The following LVRN variants were observed in gnomAD, a reference collection of about 807,000 sequenced individuals.
LVRN encodes laeverin.
A neutral mutation model predicts 111.4 loss-of-function variants in LVRN; 99 were observed. That is an observed-to-expected ratio of 0.89 (90% CI 0.76 to 1.05). The LOEUF (loss-of-function observed/expected upper bound fraction) is 1.05, where lower values mean the gene tolerates loss of function less well. Ranked by LOEUF, LVRN falls within the 50% of genes least tolerant of loss-of-function variation. The pLI is 0.00. For missense variants in LVRN, 1,414 were observed against 1,206.8 expected, an observed-to-expected ratio of 1.17 and a Z score of -2.54; for synonymous variants, 488 against 449.5, an observed-to-expected ratio of 1.09 and a Z score of -1.08.
chr5:116,022,916 G>T (rs912180946), intron 19 of LVRN, among the ~76,000 whole-genome samples: 7 of 152,374 alleles, frequency 4.6e-5, no homozygotes, highest in African/African-American at 7.2e-5. Flanking sequence ...CAGAGAGCAA[G>T]AGAGACGGAC....
intron 1 of LVRN, among the ~76,000 whole-genome samples, chr5:115,970,234 A>C (rs1318234756): frequency 6.6e-6 from 1 of 152,142 alleles, no homozygotes; most frequent in African/African-American, 2.4e-5. Context: ...TCCTTTCTAC[A>C]TCACTGTAAC....
At chr5:115,989,503 C>G (rs1747938764) in intron 4 of LVRN, among the ~76,000 whole-genome samples, 1 of 152,084 alleles carries the variant, frequency 6.6e-6, no homozygotes, top group Non-Finnish European at 1.5e-5. Flanking sequence ...ATTCCACCAT[C>G]TGAACTCTTG....
chr5:115,964,836 A>G (rs1338535243), intron 1 of LVRN, among the ~76,000 whole-genome samples: 1 of 152,228 alleles, frequency 6.6e-6, no homozygotes, highest in East Asian at 1.9e-4. Flanking sequence ...TCATAAACCA[A>G]GGTAGAGCTC....
chr5:115,967,566 G>A (rs1753229409), intron 1 of LVRN, among the ~76,000 whole-genome samples: 1 of 151,834 alleles, frequency 6.6e-6, no homozygotes, highest in Non-Finnish European at 1.5e-5. Flanking sequence ...TTTTAGAATT[G>A]TTTTAACTAT....
chr5:115,969,561 G>C (rs531532185), intron 1 of LVRN, among the ~76,000 whole-genome samples: 1 of 152,142 alleles, frequency 6.6e-6, no homozygotes, highest in South Asian at 2.1e-4. Context: ...ACTTTGGGAG[G>C]CCGAGGCAGG....
chr5:116,026,247 G>T lies in LVRN; in HGVS notation c.*129G>T. 1 of 1,362,544 alleles carries T rather than the reference G, an allele frequency of 7.3e-7. No homozygotes were observed. The allele number at this position is 1,362,544 out of a possible 1,614,324, so 84.4% of individuals were successfully genotyped here. A position where few individuals can be genotyped will look rare whatever the true frequency, so the allele number is the denominator to read the frequency against. On this transcript the variant is annotated 3_prime_UTR_variant, in exon 20 of 20. Coordinates refer to ENST00000357872, the MANE Select transcript of LVRN (RefSeq NM_173800.5). ...GTATTTCAGTCACATTTATTACTCA[G>T]AGTGCCATTCTTCTCATATTGTCAT...
In LVRN at chr5:116,000,435, A is replaced by T. The variant is rs781379019; in HGVS notation, c.1518A>T (p.Gly506=). The change falls in exon 8 of 20, where the codon GGA becomes GGT. Residue 506 remains glycine (G), a splice_region_variant and synonymous_variant. Transcript: ENST00000357872. The part of the protein sequence containing the change: ...ELFDIFTYSK[G]ASMARMLSCF... ...ATGGACAGCTTCTTTTGTCCTAGGG[A>T]GCGTCTATGGCCCGGATGCTTTCTT... 3.7e-6 allele frequency: 6 copies of T among 1,614,100 alleles called. No individual in the cohort carries two copies. In the Admixed American group the frequency reaches 1.0e-4, roughly 27 times the overall value.
intron 1 of LVRN, among the ~76,000 whole-genome samples, chr5:115,970,043 T>C (rs1361608554): frequency 6.6e-6 from 1 of 152,134 alleles, no homozygotes; most frequent in Non-Finnish European, 1.5e-5. Context: ...ATATTTCTAA[T>C]GATTTTTAAA....
At chr5:116,017,971 C>T (rs2662467) in intron 18 of LVRN, among the ~76,000 whole-genome samples, 26,774 of 152,062 alleles carry the variant, frequency 0.18, 3,015 homozygotes, top group Non-Finnish European at 0.25. Flanking sequence ...TTTAAAATAA[C>T]ATGTTTAGTC....
Position 116,022,372 on chromosome 5 carries a change from A to G in LVRN, c.2757-19A>G. 6.4e-7 allele frequency: 1 copy of G among 1,551,000 alleles called. No homozygotes were observed. Among genetic ancestry groups the G allele is most frequent in the South Asian group, 1.1e-5 (1 of 88,040 alleles). On this transcript the variant is annotated intron_variant, in intron 18 of 19. Transcript: ENST00000357872. ...GCAAAATGCTTTCCACCCTTGATTA[A>G]CATCTTATTGCCTTGTAGGTATGGA...
At chr5:116,024,239 G>A (rs1285561255) in intron 19 of LVRN, among the ~76,000 whole-genome samples, 5 of 151,972 alleles carry the variant, frequency 3.3e-5, no homozygotes, top group African/African-American at 4.8e-5. Context: ...ATTAAATCCC[G>A]ATAAAATTGA....
At chr5:115,973,897 T>C (rs747945315) in intron 1 of LVRN, among the ~76,000 whole-genome samples, 1 of 152,220 alleles carries the variant, frequency 6.6e-6, no homozygotes, top group Non-Finnish European at 1.5e-5. Context: ...AATAAGTTTA[T>C]TTGGTCTGCC....
Position 116,015,608 on chromosome 5 carries a change from T to C in LVRN, c.2619-20T>C, listed in dbSNP as rs777954176. 14 of 1,582,506 alleles carry C rather than the reference T, an allele frequency of 8.8e-6. No individual in the cohort carries two copies. The highest frequency in any genetic ancestry group is 8.6e-6 in the Non-Finnish European group (10 of 1,166,046). ...ATGTTGGATGTTTAAAATGTATTTT[T>C]TGAAAATGCACTTTTGCAGATATAT... is the stretch of plus-strand genomic sequence containing the variant. On this transcript the variant is annotated intron_variant, in intron 17 of 19. Transcript: ENST00000357872.
In LVRN at chr5:115,983,288, G is replaced by A; in HGVS notation, c.697G>A (p.Ala233Thr). 4 of 1,576,980 alleles carry A rather than the reference G, an allele frequency of 2.5e-6. No homozygotes were observed. The highest frequency in any genetic ancestry group is 1.4e-5 in the African/African-American group (1 of 72,812). Reference protein sequence around the residue: ...NVYTDQGERRALLASQLEPTF... With the variant: ...NVYTDQGERRTLLASQLEPTF... ...AAATTTCCCCAAAATGTATTTCAGG[G>A]CCCTGTTAGCGTCCCAGCTGGAACC... Residue 233 changes from alanine (A) to threonine (T), a missense_variant and splice_region_variant, in exon 2 of 20, where the codon GCC (alanine) becomes ACC (threonine). Transcript: ENST00000357872.
At chr5:116,003,729 C>CT (rs1334130178) in intron 12 of LVRN, among the ~76,000 whole-genome samples, 3 of 151,984 alleles carry the variant, frequency 2.0e-5, no homozygotes, top group Non-Finnish European at 4.4e-5. Context: ...CTACAGGCGC[C>CT]TGCCACCACG....
intron 1 of LVRN, among the ~76,000 whole-genome samples, chr5:115,980,080 A>T (rs1753530775): frequency 1.3e-5 from 2 of 152,100 alleles, no homozygotes. Flanking sequence ...TGCAATACTG[A>T]CCCACAAGGA....
intron 1 of LVRN, among the ~76,000 whole-genome samples, chr5:115,980,022 A>T (rs113877590): frequency 6.6e-6 from 1 of 152,128 alleles, no homozygotes; most frequent in Non-Finnish European, 1.5e-5. Context: ...ACAAGAAAAC[A>T]GTGAGTCCAT....
At position 115,984,078 on chromosome 5, in the gene LVRN, C is replaced by A. The variant is rs540468217; in HGVS notation, c.839-492C>A. ...CCTCACCACTCCCTATTAGGTACAC[C>A]AACCCATTTCACATCGAGTGCCTGG... On this transcript the variant is annotated intron_variant, in intron 2 of 19. Coordinates refer to ENST00000357872, the MANE Select transcript of LVRN (RefSeq NM_173800.5). Among the ~76,000 whole-genome samples, 14 of 152,288 alleles carry A rather than the reference C, an allele frequency of 9.2e-5. No individual in the cohort carries two copies. The East Asian group carries it at 2.7e-3, about 29-fold the overall frequency.
chr5:115,992,284 G>A lies in LVRN; in HGVS notation c.1260+7G>A. On this transcript the variant is annotated splice_region_variant and intron_variant, in intron 5 of 19. Transcript: ENST00000357872. Reference sequence around the variant, plus strand: ...CCACGAGATTGGACACCAGGCATGTGGTAAAATGTTCTTTTTATTTCACTT... The same window carrying A: ...CCACGAGATTGGACACCAGGCATGTAGTAAAATGTTCTTTTTATTTCACTT... 1 of 1,613,022 alleles carries A rather than the reference G, an allele frequency of 6.2e-7. No individual in the cohort carries two copies. The highest frequency in any genetic ancestry group is 8.5e-7 in the Non-Finnish European group (1 of 1,179,670).
Sources: gnomAD v4.1 joint callset for allele counts (sites outside exome capture counted in the v4.1 genomes callset) on GRCh38, gnomAD v4.1.1 for gene constraint, MANE v1.5 for transcripts, NCBI Gene and HGNC (gene_info 2026-07-23, HGNC 2026-07-21) for gene names.